The following CSMD1 variants were observed in gnomAD, a reference collection of about 807,000 sequenced individuals.
CSMD1 encodes the protein CUB and Sushi multiple domains 1.
CSMD1 carries 213 observed loss-of-function variants against 417.5 expected under a neutral mutation model. That is an observed-to-expected ratio of 0.51 (90% confidence interval 0.46 to 0.57). The LOEUF (loss-of-function observed/expected upper bound fraction) is 0.57, where lower values mean the gene tolerates loss of function less well. Among genes scored for constraint, CSMD1 ranks in the 20% least tolerant of loss-of-function variants. CSMD1 has a pLI of 0.00. For synonymous variants in CSMD1, 2,862 were observed against 1,736.8 expected, an observed-to-expected ratio of 1.65 and a Z score of -16.11; for missense variants, 6,923 against 4,529.7, an observed-to-expected ratio of 1.53 and a Z score of -15.17.
chr8:3,022,618 A>G (rs1039268447), intron 51 of CSMD1, among the ~76,000 whole-genome samples: 8 of 151,950 alleles, frequency 5.3e-5, no homozygotes, highest in Admixed American at 2.6e-4. Flanking sequence ...TATGAATATT[A>G]CTTGTGAGTG....
chr8:4,058,812 A>C (rs530019913), intron 3 of CSMD1, among the ~76,000 whole-genome samples: 67 of 151,034 alleles, frequency 4.4e-4, no homozygotes, highest in African/African-American at 1.6e-3. Flanking sequence ...GTGACCTACA[A>C]AGAGACTTAG....
At chr8:4,135,162 T>C (rs1269955741) in intron 3 of CSMD1, among the ~76,000 whole-genome samples, 6 of 152,178 alleles carry the variant, frequency 3.9e-5, no homozygotes, top group Non-Finnish European at 5.9e-5. Context: ...ACAATCACTA[T>C]AAAATTTTCA....
chr8:4,491,277 T>A (rs754898196), intron 2 of CSMD1, among the ~76,000 whole-genome samples: 1 of 152,052 alleles, frequency 6.6e-6, no homozygotes, highest in Non-Finnish European at 1.5e-5. Flanking sequence ...TCACGGAAGA[T>A]CCCAAGAGGA....
At chr8:3,157,203 A>C (rs1328977129) in intron 39 of CSMD1, among the ~76,000 whole-genome samples, 1 of 152,088 alleles carries the variant, frequency 6.6e-6, no homozygotes, top group Non-Finnish European at 1.5e-5. Flanking sequence ...GCTACAACAA[A>C]TAGGTGATGG....
chr8:3,261,636 C>G (rs899992936), intron 26 of CSMD1, among the ~76,000 whole-genome samples: 2 of 152,150 alleles, frequency 1.3e-5, no homozygotes, highest in Admixed American at 1.3e-4. Context: ...CAACTGCTGC[C>G]TCCATTCCCT....
chr8:3,161,396 C>A (rs1819881510), intron 38 of CSMD1, among the ~76,000 whole-genome samples: 1 of 152,104 alleles, frequency 6.6e-6, no homozygotes, highest in African/African-American at 2.4e-5. Flanking sequence ...GCAGGTGGAT[C>A]ACCTGAGGTC....
At position 3,004,794 on chromosome 8, in the gene CSMD1, T is replaced by C. The variant is rs889121580; in HGVS notation, c.8030-4663A>G. 2.0e-5 allele frequency among the ~76,000 whole-genome samples: 3 copies of C among 152,318 alleles called. No individual in the cohort carries two copies. The East Asian group carries it at 5.8e-4, about 29-fold the overall frequency. ...TAACGGAACCAAGAATGAAATGGTCTGCTCCAGTGACTCCGTTTTACACAC... is the reference window on the plus strand; with the variant it reads ...TAACGGAACCAAGAATGAAATGGTCCGCTCCAGTGACTCCGTTTTACACAC... On this transcript the variant is annotated intron_variant, in intron 52 of 69. Coordinates refer to ENST00000635120, the MANE Select transcript of CSMD1 (RefSeq NM_033225.6).
chr8:4,864,874 C>CCACACACA (rs1563622847), intron 1 of CSMD1, among the ~76,000 whole-genome samples: 3 of 31,856 alleles, frequency 9.4e-5, no homozygotes, highest in Non-Finnish European at 1.7e-4. Context: ...TTGGATTCTA[C>CCACACACA]TACACACACA....
intron 25 of CSMD1, among the ~76,000 whole-genome samples, chr8:3,295,652 T>C (rs1803909284): frequency 6.6e-6 from 1 of 152,178 alleles, no homozygotes; most frequent in African/African-American, 2.4e-5. Context: ...GCTAACTCGC[T>C]CTCCCTTGGG....
intron 1 of CSMD1, among the ~76,000 whole-genome samples, chr8:4,956,512 C>G (rs1053569503): frequency 6.7e-6 from 1 of 148,364 alleles, no homozygotes; most frequent in African/African-American, 2.5e-5. Context: ...TTATCATATA[C>G]ACACGTATTT....
At chr8:3,352,180 A>C (rs549350265) in intron 21 of CSMD1, among the ~76,000 whole-genome samples, 2 of 152,228 alleles carry the variant, frequency 1.3e-5, no homozygotes, top group Non-Finnish European at 2.9e-5. Flanking sequence ...GGACCTGGGC[A>C]CACTCTCAGG....
intron 12 of CSMD1, among the ~76,000 whole-genome samples, chr8:3,419,037 C>G (rs1041287976): frequency 6.6e-6 from 1 of 152,174 alleles, no homozygotes; most frequent in Admixed American, 6.5e-5. Context: ...TCGAGGCATA[C>G]AAATAGTTAA....
chr8:3,211,994 G>A (rs989013223), intron 30 of CSMD1, among the ~76,000 whole-genome samples: 1 of 152,106 alleles, frequency 6.6e-6, no homozygotes, highest in African/African-American at 2.4e-5. Flanking sequence ...CAGCTGCCTC[G>A]TGCCCACCTC....
intron 3 of CSMD1, among the ~76,000 whole-genome samples, chr8:4,196,365 T>C (rs909858029): frequency 6.6e-6 from 1 of 152,204 alleles, no homozygotes; most frequent in Non-Finnish European, 1.5e-5. Flanking sequence ...TTACTTTTAG[T>C]TCTGTAGGTC....
Position 4,387,462 on chromosome 8 carries a change from G to C in CSMD1, c.415+32491C>G, listed in dbSNP as rs75866753. On this transcript the variant is annotated intron_variant, in intron 3 of 69. Coordinates refer to ENST00000635120, the MANE Select transcript of CSMD1 (RefSeq NM_033225.6). ...AGATATGCTTGGTCTCCATAATCAG[G>C]AAGTTGAGTGTACTTTCATATCATA... Among the ~76,000 whole-genome samples the C allele has an allele frequency of 3.8e-3, 559 of 148,764 alleles. 23 individuals carry two copies. The East Asian group carries it at 0.098, about 26-fold the overall frequency.
rs145979137 is a variant in CSMD1 at position 4,120,994 on chromosome 8, C to T, written c.416-88895G>A. Among the ~76,000 whole-genome samples, 453 of 152,188 alleles carry T rather than the reference C, an allele frequency of 3.0e-3. 5 individuals are homozygous for T. The highest frequency in any genetic ancestry group is 0.01 in the African/African-American group (421 of 41,518). ...GGACAAACTATACATGAAACATGAA[C>T]CTTTTGATGGCTTGGTTTATTAAAC... On this transcript the variant is annotated intron_variant, in intron 3 of 69. Coordinates refer to ENST00000635120, the MANE Select transcript of CSMD1 (RefSeq NM_033225.6).
chr8:3,773,988 T>G (rs2720765), intron 5 of CSMD1, among the ~76,000 whole-genome samples: 21,465 of 152,168 alleles, frequency 0.14, 1,589 homozygotes, highest in East Asian at 0.29. Flanking sequence ...ATCTATTTGC[T>G]CTTAATTCTT....
chr8:3,853,056 C>A (rs1417708239), intron 5 of CSMD1, among the ~76,000 whole-genome samples: 1 of 152,152 alleles, frequency 6.6e-6, no homozygotes, highest in African/African-American at 2.4e-5. Context: ...ATCAGTCGAG[C>A]AACCCACGTC....
intron 3 of CSMD1, among the ~76,000 whole-genome samples, chr8:4,077,997 T>G (rs904422999): frequency 6.6e-6 from 1 of 152,026 alleles, no homozygotes. Flanking sequence ...CTTTCATCTC[T>G]CAGTTGGAAA....
Sources: allele counts gnomAD v4.1 joint callset (sites outside exome capture counted in the v4.1 genomes callset), GRCh38; gene constraint gnomAD v4.1.1; transcripts MANE v1.5; gene names NCBI Gene and HGNC (gene_info 2026-07-23, HGNC 2026-07-21).